The following STS variants were observed in gnomAD, a reference collection of about 807,000 sequenced individuals.
STS encodes steryl-sulfatase.
In STS, 7 loss-of-function variants were observed where a neutral mutation model predicts 26.8. The ratio of observed to expected loss-of-function variants is 0.26; its 90% CI spans 0.15 to 0.49. The LOEUF (loss-of-function observed/expected upper bound fraction) is 0.49, where lower values mean the gene tolerates loss of function less well. STS is among the 20% of genes least tolerant of loss of function. STS has a pLI of 0.98. For missense variants in STS, 434 were observed against 465.6 expected, an observed-to-expected ratio of 0.93 and a Z score of 0.63; for synonymous variants, 199 against 189.4, an observed-to-expected ratio of 1.05 and a Z score of -0.42.
intron 9 of STS, among the ~76,000 whole-genome samples, chrX:7,326,100 G>C (rs746835121): frequency 1.8e-5 from 2 of 111,030 alleles, no homozygotes; most frequent in Non-Finnish European, 3.8e-5. Flanking sequence ...CTGGCGCCTT[G>C]GGGTAGAGTG....
At position 7,350,001 on chromosome X, in the gene STS, G is replaced by A. The variant is rs200993070; in HGVS notation, c.1477G>A (p.Asp493Asn). 25 of 1,209,761 alleles carry A rather than the reference G, an allele frequency of 2.1e-5. No individual in the cohort carries two copies. Among genetic ancestry groups the A allele is most frequent in the South Asian group, 7.0e-5 (4 of 56,774 alleles). The change falls in exon 11 of 11, where the codon GAC (aspartate) becomes AAC (asparagine). Residue 493 changes from aspartate to asparagine, a missense_variant. Physicochemically the swap from Asp to Asn is conservative, Grantham distance 23 (BLOSUM62 1). Transcript: ENST00000674429. The stretch of plus-strand genomic sequence containing the variant: ...TTTCGGGAGTTATGTCACCCATCAC[G>A]ACCCACCTTTACTCTTTGATATTTC... Reference protein sequence around the residue: ...FCFGSYVTHHDPPLLFDISKD... With the variant: ...FCFGSYVTHHNPPLLFDISKD...
At chrX:7,341,398 A>G (rs993056507) in intron 10 of STS, among the ~76,000 whole-genome samples, 2 of 111,144 alleles carry the variant, frequency 1.8e-5, no homozygotes, top group Non-Finnish European at 3.8e-5. Flanking sequence ...CACTGGCTCC[A>G]TGCCTGGTCC....
At chrX:7,175,836 C>T (rs771709421) in intron 1 of STS, among the ~76,000 whole-genome samples, 1 of 111,698 alleles carries the variant, frequency 9.0e-6, no homozygotes, top group Admixed American at 9.5e-5. Context: ...ATGCTCTTAT[C>T]CACTTAGTCA....
At chrX:7,326,109 T>C (rs1927454172) in intron 9 of STS, among the ~76,000 whole-genome samples, 1 of 110,154 alleles carries the variant, frequency 9.1e-6, no homozygotes, top group African/African-American at 3.3e-5. Context: ...TGGGGTAGAG[T>C]GGGACTGAGA....
rs562066716 is a variant in STS at position 7,347,902 on chromosome X, G to C, written c.1364-1986G>C. ...CCTGGAAGAAAGTGTGGGATGAGAC[G>C]AGTGGATGGGAAGCATCTTAAGGTT... On this transcript the variant is annotated intron_variant, in intron 10 of 10. Transcript: ENST00000674429. 2.7e-5 allele frequency among the ~76,000 whole-genome samples: 3 copies of C among 111,680 alleles called. No individual in the cohort carries two copies. In the Admixed American group the frequency reaches 2.9e-4, roughly 11 times the overall value.
chrX:7,205,988 C>T (rs1255859329), intron 2 of STS, among the ~76,000 whole-genome samples: 1 of 110,588 alleles, frequency 9.0e-6, no homozygotes, highest in African/African-American at 3.3e-5. Flanking sequence ...AGGCCAAAGC[C>T]GTGATTTGAT....
chrX:7,302,545 T>A (rs1926014334), intron 7 of STS, among the ~76,000 whole-genome samples: 1 of 111,739 alleles, frequency 8.9e-6, no homozygotes, highest in Non-Finnish European at 1.9e-5. Flanking sequence ...CATTTACATA[T>A]ATGGTGTGGG....
chrX:7,224,853 T>C (rs1243406786), intron 2 of STS, among the ~76,000 whole-genome samples: 1 of 112,555 alleles, frequency 8.9e-6, no homozygotes, highest in African/African-American at 3.2e-5. Context: ...AGGTTGATGT[T>C]TCCTACTTGG....
At chrX:7,318,148 G>A (rs1462833501) in intron 8 of STS, among the ~76,000 whole-genome samples, 5 of 111,827 alleles carry the variant, frequency 4.5e-5, no homozygotes, top group African/African-American at 1.6e-4. Context: ...TGGGGAACAT[G>A]TGAAACTCCA....
chrX:7,272,156 T>C (rs1478075244), intron 6 of STS, among the ~76,000 whole-genome samples: 1 of 108,551 alleles, frequency 9.2e-6, no homozygotes. Flanking sequence ...TTGGAATGTT[T>C]TTGGCTATCA....
At chrX:7,301,829 T>G (rs1925979283) in intron 7 of STS, among the ~76,000 whole-genome samples, 1 of 112,109 alleles carries the variant, frequency 8.9e-6, no homozygotes, top group African/African-American at 3.2e-5. Context: ...CTTTTCAGAT[T>G]GACTCCTTTC....
intron 1 of STS, among the ~76,000 whole-genome samples, chrX:7,158,818 G>A (rs181765331): frequency 1.8e-5 from 2 of 112,218 alleles, no homozygotes; most frequent in Admixed American, 9.5e-5. Flanking sequence ...GAAACATCAT[G>A]TGATGTGCTG....
At chrX:7,236,647 T>G in intron 2 of STS, among the ~76,000 whole-genome samples, 1 of 89,522 alleles carries the variant, frequency 1.1e-5, no homozygotes, top group East Asian at 3.7e-4. Flanking sequence ...ACCAATAATT[T>G]TAAAGCTAAC....
At chrX:7,175,822 C>T (rs1933560204) in intron 1 of STS, among the ~76,000 whole-genome samples, 1 of 111,745 alleles carries the variant, frequency 8.9e-6, no homozygotes, top group Non-Finnish European at 1.9e-5. Flanking sequence ...ACCATTTATT[C>T]TCCATGCTCT....
At chrX:7,261,319 GAC>G (rs1192576511) in intron 6 of STS, among the ~76,000 whole-genome samples, 2 of 111,401 alleles carry the variant, frequency 1.8e-5, no homozygotes, top group East Asian at 2.8e-4. Flanking sequence ...TTAATTGCAT[GAC>G]ACAAAATTGT....
At chrX:7,166,278 G>A (rs1170868557) in intron 1 of STS, among the ~76,000 whole-genome samples, 4 of 111,252 alleles carry the variant, frequency 3.6e-5, no homozygotes, top group Admixed American at 9.5e-5. Context: ...AAAGTGCTGG[G>A]ATTACAGGCA....
chrX:7,153,661 C>T (rs1285057860), intron 1 of STS, among the ~76,000 whole-genome samples: 1 of 94,721 alleles, frequency 1.1e-5, no homozygotes, highest in African/African-American at 4.0e-5. Flanking sequence ...CAACTCCCTC[C>T]CTCTCTCCTT....
intron 10 of STS, among the ~76,000 whole-genome samples, chrX:7,339,822 G>A (rs1393966492): frequency 1.8e-5 from 2 of 111,251 alleles, no homozygotes; most frequent in Non-Finnish European, 3.8e-5. Context: ...TTCCAACATA[G>A]CCTATTAAAC....
chrX:7,295,502 C>T (rs891267909), intron 7 of STS, among the ~76,000 whole-genome samples: 2 of 110,937 alleles, frequency 1.8e-5, no homozygotes, highest in African/African-American at 6.6e-5. Flanking sequence ...GTGCCTATAC[C>T]TCCATTACAT....
Sources: allele counts gnomAD v4.1 joint callset (sites outside exome capture counted in the v4.1 genomes callset), GRCh38; gene constraint gnomAD v4.1.1; transcripts MANE v1.5; gene names NCBI Gene and HGNC (gene_info 2026-07-23, HGNC 2026-07-21).